The following BFSP1 variants were observed in gnomAD, a reference collection of about 807,000 sequenced individuals.
The protein encoded by BFSP1 is beaded filament structural protein 1, also known as filensin.
A neutral mutation model predicts 43.9 loss-of-function variants in BFSP1; 38 were observed. That is an observed-to-expected ratio of 0.87 (90% confidence interval 0.67 to 1.14). The LOEUF is 1.14. Ranked by LOEUF, BFSP1 falls within the 50% of genes most tolerant of loss-of-function variation. The pLI, the probability that BFSP1 is intolerant of heterozygous loss-of-function variation, is 0.00. For synonymous variants in BFSP1, 352 were observed against 354.8 expected (o/e 0.99, Z 0.09); for missense variants, 850 against 875.1 (o/e 0.97, Z 0.36).
chr20:17,543,706 C>G (rs551005043), intron 1 of BFSP1, among the ~76,000 whole-genome samples: 1 of 152,172 alleles, frequency 6.6e-6, no homozygotes, highest in African/African-American at 2.4e-5. Flanking sequence ...AAAATGCCCT[C>G]AAAAGCTTAT....
At position 17,512,157 on chromosome 20, in the gene BFSP1, C is replaced by A. The variant is rs1600648982; in HGVS notation, c.535-89G>T. The A allele has an allele frequency of 4.1e-6, 4 of 986,684 alleles. No individual in the cohort carries two copies. In the East Asian group the frequency reaches 1.0e-4, roughly 25 times the overall value. The allele number at this position is 986,684 out of a possible 1,614,324, so 61.1% of individuals were successfully genotyped here. A position where few individuals can be genotyped will look rare whatever the true frequency, so the allele number is the denominator to read the frequency against. On this transcript the variant is annotated intron_variant, in intron 3 of 7. Transcript: ENST00000377873. The stretch of plus-strand genomic sequence containing the variant: ...TAGATGAGAACAGGAATGGACACTT[C>A]CGCACGCTCCCTCATCACAGACAGG...
At position 17,494,354 on chromosome 20, in the gene BFSP1, C is replaced by A; in HGVS notation, c.1718G>T (p.Cys573Phe). The change falls in exon 8 of 8, where the codon TGT (cysteine) becomes TTT (phenylalanine). Residue 573 changes from cysteine to phenylalanine, a missense_variant. Physicochemically the swap from Cys to Phe is radical, Grantham distance 205. Coordinates refer to ENST00000377873, the MANE Select transcript of BFSP1 (RefSeq NM_001195.5). ...CTCTGCACCGGGTGTGACCATGGCA[C>A]AGGGTCTCCTGGACTCTTCGTCCCG... ...EERDEESRRP[C>F]AMVTPGAEEP... 6.2e-7 allele frequency: 1 copy of A among 1,614,178 alleles called. No homozygotes were observed. The highest frequency in any genetic ancestry group is 8.5e-7 in the Non-Finnish European group (1 of 1,179,996).
intron 1 of BFSP1, among the ~76,000 whole-genome samples, chr20:17,549,312 A>G (rs2123577601): frequency 6.6e-6 from 1 of 152,328 alleles, no homozygotes; most frequent in Admixed American, 6.5e-5. Flanking sequence ...TATAAAGAAA[A>G]GAGGTTTAAT....
At chr20:17,498,744 G>T in intron 6 of BFSP1, 76 bp downstream of exon 6, 1 of 1,491,102 alleles carries the variant, frequency 6.7e-7, no homozygotes. Context: ...CTATAACTGT[G>T]CCTGGCACAC....
At chr20:17,555,801 G>C (rs2034981706) in intron 1 of BFSP1, among the ~76,000 whole-genome samples, 1 of 152,090 alleles carries the variant, frequency 6.6e-6, no homozygotes, top group Non-Finnish European at 1.5e-5. Flanking sequence ...ATACCATCAA[G>C]ATTTTTAAAT....
At chr20:17,498,056 C>T (rs745491359) in intron 6 of BFSP1, among the ~76,000 whole-genome samples, 2 of 152,192 alleles carry the variant, frequency 1.3e-5, no homozygotes, top group South Asian at 2.1e-4. Flanking sequence ...GCCAAGCATT[C>T]GAGTGCTCAC....
At chr20:17,505,185 T>C (rs1017285853) in intron 5 of BFSP1, among the ~76,000 whole-genome samples, 1 of 152,200 alleles carries the variant, frequency 6.6e-6, no homozygotes, top group East Asian at 1.9e-4. Flanking sequence ...TACGGGTATA[T>C]GTGCACTTAT....
chr20:17,543,979 C>T (rs2034761511), intron 1 of BFSP1, among the ~76,000 whole-genome samples: 1 of 152,174 alleles, frequency 6.6e-6, no homozygotes, highest in South Asian at 2.1e-4. Context: ...CAAATATCTG[C>T]CTTTATTTTT....
At chr20:17,541,024 A>T (rs2034707156) in intron 1 of BFSP1, 1 of 152,626 alleles carries the variant, frequency 6.6e-6, no homozygotes, top group Non-Finnish European at 1.5e-5. Context: ...AAATGAATTA[A>T]AGAGTGAGTG....
chr20:17,494,238 CT>C lies in BFSP1; in HGVS notation c.1833del (p.Gly612AlafsTer33). 6.2e-7 allele frequency: 1 copy of C among 1,614,160 alleles called. No individual in the cohort carries two copies. Among genetic ancestry groups the C allele is most frequent in the Non-Finnish European group, 8.5e-7 (1 of 1,180,052 alleles). On this transcript the variant is annotated frameshift_variant, in exon 8 of 8. Coordinates refer to ENST00000377873, the MANE Select transcript of BFSP1 (RefSeq NM_001195.5). LOFTEE classifies it high-confidence loss of function. ...LGTRSRSLPE[K>X]GPPKALAYKT... The stretch of plus-strand genomic sequence containing the variant: ...TTATAGGCCAAAGCCTTGGGAGGGC[CT>C]TTTTCTGGCAGGCTTCTGCTCCTAG...
chr20:17,520,295 C>T (rs774469807), intron 2 of BFSP1, among the ~76,000 whole-genome samples: 2 of 149,388 alleles, frequency 1.3e-5, no homozygotes, highest in Non-Finnish European at 3.0e-5. Flanking sequence ...TATTTACAGC[C>T]ATGTTTTTAG....
In BFSP1 at chr20:17,531,139, C is replaced by A. The variant is rs1311297331; in HGVS notation, c.191G>T (p.Arg64Leu). 2 of 1,325,908 alleles carry A rather than the reference C, an allele frequency of 1.5e-6. No individual in the cohort carries two copies. Among genetic ancestry groups the A allele is most frequent in the Non-Finnish European group, 1.9e-6 (2 of 1,041,086 alleles). 82.1% of individuals were successfully genotyped at this position (1,325,908 alleles called of 1,614,324 possible). The part of the protein sequence containing the change: ...HVQRARALEQ[R>L]HAGLRRQLDA... The stretch of plus-strand genomic sequence containing the variant: ...CAGCTGCCTCCGGAGCCCGGCATGG[C>A]GCTGCTCGAGGGCGCGGGCCCGCTG... Residue 64 changes from arginine (R) to leucine (L), a missense_variant, in exon 1 of 8, where the codon CGC becomes CTC. Coordinates refer to ENST00000377873, the MANE Select transcript of BFSP1 (RefSeq NM_001195.5).
chr20:17,497,572 G>GTATATATACGTATATATATACGTGTA lies in BFSP1; in HGVS notation c.957-575_957-550dup, dbSNP rs1355119710. On this transcript the variant is annotated intron_variant, in intron 6 of 7. Coordinates refer to ENST00000377873, the MANE Select transcript of BFSP1 (RefSeq NM_001195.5). ...TATATATGTATATGTGTGTGTATAT[G>GTATATATACGTATATATATACGTGTA]TATATATACGTATATATATACGTGT... 3.7e-4 allele frequency among the ~76,000 whole-genome samples: 8 copies of GTATATATACGTATATATATACGTGTA among 21,512 alleles called. No homozygotes were observed. In the South Asian group the frequency reaches 4.6e-3, roughly 12 times the overall value. The allele number at this position is 21,512 out of a possible 152,430, so 14.1% of individuals were successfully genotyped here.
At chr20:17,549,668 T>C (rs796223125) in intron 1 of BFSP1, among the ~76,000 whole-genome samples, 4 of 152,182 alleles carry the variant, frequency 2.6e-5, no homozygotes, top group African/African-American at 9.6e-5. Flanking sequence ...AAACCCCGTC[T>C]GTACTAAAAA....
chr20:17,496,963 A>G lies in BFSP1; in HGVS notation c.1017T>C (p.Ser339=). ...CTTTCCCACCGGATCCAGTGCTGAGAGAGACTCCATGGCTCTGGGTGAACA... is the reference window on the plus strand; with the variant it reads ...CTTTCCCACCGGATCCAGTGCTGAGGGAGACTCCATGGCTCTGGGTGAACA... ...IPLFTQSHGV[S]LSTGSGGKDL... Residue 339 remains serine, a synonymous_variant, in exon 7 of 8, where the codon TCT becomes TCC. Transcript: ENST00000377873. The G allele has an allele frequency of 6.5e-7, 1 of 1,544,566 alleles. No individual in the cohort carries two copies.
chr20:17,537,568 CAAAA>C (rs901895418), intron 1 of BFSP1, among the ~76,000 whole-genome samples: 1 of 63,820 alleles, frequency 1.6e-5, no homozygotes, highest in African/African-American at 5.8e-5. Context: ...ACTGAAGCAC[CAAAA>C]AAAAAAAAAA....
upstream of BFSP1, among the ~76,000 whole-genome samples, chr20:17,535,116 T>C (rs960884829): frequency 6.6e-6 from 1 of 152,306 alleles, no homozygotes; most frequent in South Asian, 2.1e-4. Flanking sequence ...CTAGGTTCAT[T>C]AACAAAATTA....
Position 17,508,917 on chromosome 20 carries a change from T to C in BFSP1, c.707A>G (p.Gln236Arg). The change falls in exon 5 of 8, where the codon CAG becomes CGG. Residue 236 changes from glutamine (Q) to arginine (R), a missense_variant. Coordinates refer to ENST00000377873, the MANE Select transcript of BFSP1 (RefSeq NM_001195.5). ...EEGREVLSHL[Q>R]AQRVELQAQT... ...TGCCTGCAGCTCCACTCTCTGCGCC[T>C]GCAGGTGGGAGAGCACCTCCCGGCC... The C allele has an allele frequency of 6.2e-7, 1 of 1,604,514 alleles. No homozygotes were observed. The highest frequency in any genetic ancestry group is 1.7e-4 in the Middle Eastern group (1 of 6,034).
Position 17,531,213 on chromosome 20 carries a change from C to A in BFSP1, c.117G>T (p.Thr39=). ...RPADEGWAGA[T]SLAALQGLGE... ...CGAGCCCCTGCAGCGCCGCCAGGCT[C>A]GTTGCCCCAGCCCAGCCCTCGTCGG... Residue 39 remains threonine (T), a synonymous_variant, in exon 1 of 8, where the codon ACG becomes ACT. Coordinates refer to ENST00000377873, the MANE Select transcript of BFSP1 (RefSeq NM_001195.5). The A allele has an allele frequency of 5.3e-6, 7 of 1,329,644 alleles. No individual in the cohort carries two copies. The highest frequency in any genetic ancestry group is 5.8e-6 in the Non-Finnish European group (6 of 1,040,782). The allele number at this position is 1,329,644 out of a possible 1,614,324, so 82.4% of individuals were successfully genotyped here.
Sources: allele counts gnomAD v4.1 joint callset (sites outside exome capture counted in the v4.1 genomes callset), GRCh38; gene constraint gnomAD v4.1.1; transcripts MANE v1.5; gene names NCBI Gene and HGNC (gene_info 2026-07-23, HGNC 2026-07-21).